Variants in CHLSN observed in about 807,000 individuals in gnomAD.
CHLSN encodes the protein cholesin, also known as protein cholesin.
At chr7:997,603 G>T in the CHLSN span, 1 of 1,527,434 alleles carries the variant, frequency 6.5e-7, no homozygotes. Flanking sequence ...CTGGGCAGCG[G>T]CCCCGCCCCG....
the CHLSN span, among the ~76,000 whole-genome samples, chr7:1,048,928 C>A: frequency 6.6e-6 from 1 of 152,358 alleles, no homozygotes; most frequent in Admixed American, 6.5e-5. Context: ...CAGTTTAGTA[C>A]TAGTGAAACA....
the CHLSN span, chr7:1,057,439 G>A: frequency 1.5e-6 from 1 of 658,630 alleles, no homozygotes; most frequent in Non-Finnish European, 2.8e-6. Flanking sequence ...GCACTTCTGG[G>A]CCAGGGCTTT....
chr7:1,001,650 TGA>T, the CHLSN span, among the ~76,000 whole-genome samples: 1 of 52,892 alleles, frequency 1.9e-5, no homozygotes, highest in Non-Finnish European at 3.5e-5. Flanking sequence ...GTCCTGTGGG[TGA>T]GTGGAGTCCT....
the CHLSN span, among the ~76,000 whole-genome samples, chr7:1,136,046 A>G: frequency 4.4e-5 from 5 of 112,444 alleles, no homozygotes; most frequent in Non-Finnish European, 8.5e-5. Context: ...ATAAATATAT[A>G]AGTATATATA....
the CHLSN span, among the ~76,000 whole-genome samples, chr7:1,036,135 A>G: frequency 6.6e-6 from 1 of 152,210 alleles, no homozygotes; most frequent in African/African-American, 2.4e-5. Context: ...GGTGGTGCAC[A>G]GGGCCCTTTT....
chr7:1,103,840 A>G, the CHLSN span, among the ~76,000 whole-genome samples: 1 of 152,242 alleles, frequency 6.6e-6, no homozygotes, highest in African/African-American at 2.4e-5. Flanking sequence ...CCAACCCGGA[A>G]CTAGCTTGGG....
the CHLSN span, among the ~76,000 whole-genome samples, chr7:1,135,817 TA>T: frequency 7.1e-6 from 1 of 140,434 alleles, no homozygotes; most frequent in Admixed American, 7.6e-5. Flanking sequence ...TTTATTTATA[TA>T]AAATAAATAT....
At chr7:1,104,303 G>A in the CHLSN span, among the ~76,000 whole-genome samples, 1 of 152,262 alleles carries the variant, frequency 6.6e-6, no homozygotes, top group Non-Finnish European at 1.5e-5. Flanking sequence ...GGGAGGCTGA[G>A]GCGGGAGGGT....
At chr7:1,120,676 G>C in the CHLSN span, among the ~76,000 whole-genome samples, 1 of 152,232 alleles carries the variant, frequency 6.6e-6, no homozygotes, top group African/African-American at 2.4e-5. Context: ...GAAAGTCACA[G>C]ATGCAAATGT....
the CHLSN span, among the ~76,000 whole-genome samples, chr7:1,072,676 C>CTTTT: frequency 2.9e-4 from 32 of 110,298 alleles, no homozygotes; most frequent in African/African-American, 8.4e-4. Flanking sequence ...CTTTTCTTTC[C>CTTTT]TTTTTTTTTT....
At chr7:1,083,981 C>T in the CHLSN span, among the ~76,000 whole-genome samples, 2 of 152,250 alleles carry the variant, frequency 1.3e-5, no homozygotes, top group South Asian at 2.1e-4. Context: ...GGCCGCACCA[C>T]GTCCTGACAG....
At chr7:1,135,912 TATATATAAGTATATATAA>T in the CHLSN span, among the ~76,000 whole-genome samples, 14 of 105,380 alleles carry the variant, frequency 1.3e-4, no homozygotes, top group Non-Finnish European at 1.9e-4. Context: ...TATATAAAAA[TATATATAAGTATATATAA>T]ATATATAAGT....
At chr7:985,368 T>TG in the CHLSN span, 2 of 1,532,862 alleles carry the variant, frequency 1.3e-6, no homozygotes, top group Middle Eastern at 1.7e-4. Flanking sequence ...GAGCCTGGAG[T>TG]GATGGGCGTG....
the CHLSN span, among the ~76,000 whole-genome samples, chr7:1,122,339 C>T: frequency 6.6e-6 from 1 of 152,220 alleles, no homozygotes; most frequent in Non-Finnish European, 1.5e-5. Context: ...GCCCACCTTC[C>T]ATTTCCAGGC....
At chr7:1,083,103 C>T in the CHLSN span, among the ~76,000 whole-genome samples, 1 of 152,096 alleles carries the variant, frequency 6.6e-6, no homozygotes, top group Non-Finnish European at 1.5e-5. Flanking sequence ...ACCCTGCCCA[C>T]TCTTCTGTAA....
chr7:1,038,449 A>C, the CHLSN span, among the ~76,000 whole-genome samples: 6 of 48,008 alleles, frequency 1.2e-4, no homozygotes, highest in East Asian at 1.1e-3. Flanking sequence ...CAGCCCCCCA[A>C]CCCGGCCAGC....
At chr7:1,067,854 C>A in the CHLSN span, among the ~76,000 whole-genome samples, 1 of 110,284 alleles carries the variant, frequency 9.1e-6, no homozygotes, top group African/African-American at 3.5e-5. Flanking sequence ...CTGGAGTGCA[C>A]CCCAGAGGTG....
the CHLSN span, chr7:986,700 G>T: frequency 6.2e-7 from 1 of 1,612,454 alleles, no homozygotes; most frequent in Non-Finnish European, 8.5e-7. Flanking sequence ...GAGGAGGTCC[G>T]TGCCATTCTG....
At chr7:1,007,705 C>T in the CHLSN span, among the ~76,000 whole-genome samples, 20 of 152,168 alleles carry the variant, frequency 1.3e-4, no homozygotes, top group Non-Finnish European at 2.2e-4. Flanking sequence ...GTCCCCCCTC[C>T]TCCCACACGC....
Sources: allele counts gnomAD v4.1 joint callset (sites outside exome capture counted in the v4.1 genomes callset), GRCh38; gene constraint gnomAD v4.1.1; transcripts MANE v1.5; gene names NCBI Gene and HGNC (gene_info 2026-07-23, HGNC 2026-07-21).